WASL: variants seen among roughly 807,000 people sequenced by gnomAD.
WASL encodes the protein WASP like actin nucleation promoting factor, also known as actin nucleation-promoting factor WASL.
A neutral mutation model predicts 55.5 loss-of-function variants in WASL; 20 were observed. That is an observed-to-expected ratio of 0.36 (90% confidence interval 0.25 to 0.52). The LOEUF (loss-of-function observed/expected upper bound fraction) is 0.52, where lower values mean the gene tolerates loss of function less well. WASL is among the 20% of genes least tolerant of loss of function. The probability of loss-of-function intolerance (pLI) is 0.92; values close to 1 mark genes in which losing one functional copy is unlikely to be tolerated. For synonymous variants in WASL, 249 were observed against 217.6 expected (o/e 1.14, Z -1.27); for missense variants, 504 against 622.5 (o/e 0.81, Z 2.03).
At chr7:123,738,186 T>C (rs1476167585) in intron 1 of WASL, among the ~76,000 whole-genome samples, 1 of 152,046 alleles carries the variant, frequency 6.6e-6, no homozygotes, top group Non-Finnish European at 1.5e-5. Context: ...TACACATAAA[T>C]ATAACTTGAT....
chr7:123,721,483 T>C (rs987523494), intron 1 of WASL, among the ~76,000 whole-genome samples: 1 of 152,100 alleles, frequency 6.6e-6, no homozygotes, highest in African/African-American at 2.4e-5. Context: ...AGTACAACAT[T>C]TGAGACTCTC....
intron 1 of WASL, among the ~76,000 whole-genome samples, chr7:123,710,647 C>T (rs1344042480): frequency 6.6e-6 from 1 of 152,146 alleles, no homozygotes; most frequent in Non-Finnish European, 1.5e-5. Flanking sequence ...AGACCAAACT[C>T]AACCTTGAAC....
At chr7:123,714,869 A>C (rs1803813936) in intron 1 of WASL, among the ~76,000 whole-genome samples, 1 of 152,168 alleles carries the variant, frequency 6.6e-6, no homozygotes, top group South Asian at 2.1e-4. Flanking sequence ...AGAATGAAAA[A>C]GGGTGAGTCA....
intron 1 of WASL, among the ~76,000 whole-genome samples, chr7:123,728,887 G>A (rs1056163987): frequency 2.9e-4 from 44 of 152,120 alleles, no homozygotes; most frequent in African/African-American, 9.6e-4. Flanking sequence ...ACAAACGAAC[G>A]AACAAAAAAA....
At position 123,698,881 on chromosome 7, in the gene WASL, G is replaced by A. The variant is rs78902209; in HGVS notation, c.461-2134C>T. 1.7e-3 allele frequency among the ~76,000 whole-genome samples: 266 copies of A among 152,156 alleles called. 1 individual carries two copies. Among genetic ancestry groups the A allele is most frequent in the African/African-American group, 6.2e-3 (257 of 41,508 alleles). ...AATATCCAGAATGTAGGGACTAGAG[G>A]GTTGAATTGGGGTTACACTCAGACC... On this transcript the variant is annotated intron_variant, in intron 5 of 10. Coordinates refer to ENST00000223023, the MANE Select transcript of WASL (RefSeq NM_003941.4).
chr7:123,688,564 G>C (rs1238439244), intron 10 of WASL, among the ~76,000 whole-genome samples: 2 of 152,080 alleles, frequency 1.3e-5, no homozygotes, highest in Admixed American at 1.3e-4. Context: ...GTTTCTCCAT[G>C]TAGGCCAGGC....
At chr7:123,729,662 G>A (rs1049527338) in intron 1 of WASL, among the ~76,000 whole-genome samples, 1 of 152,172 alleles carries the variant, frequency 6.6e-6, no homozygotes, top group Non-Finnish European at 1.5e-5. Flanking sequence ...TCTTCCTACA[G>A]ATACGTATGT....
intron 1 of WASL, among the ~76,000 whole-genome samples, chr7:123,712,811 ACT>A (rs889050038): frequency 1.3e-5 from 2 of 152,202 alleles, no homozygotes; most frequent in Non-Finnish European, 2.9e-5. Flanking sequence ...ATGTGTACCA[ACT>A]TTCTTAAAAG....
chr7:123,682,972 TTTC>T lies in WASL; in HGVS notation c.*1544_*1546del, dbSNP rs1205025311. 2.0e-5 allele frequency: 3 copies of T among 152,144 alleles called. No homozygotes were observed. The highest frequency in any genetic ancestry group is 7.2e-5 in the African/African-American group (3 of 41,442). The allele number at this position is 152,144 out of a possible 1,614,324, so 9.4% of individuals were successfully genotyped here. A position where few individuals can be genotyped will look rare whatever the true frequency, so the allele number is the denominator to read the frequency against. On this transcript the variant is annotated 3_prime_UTR_variant, in exon 11 of 11. Coordinates refer to ENST00000223023, the MANE Select transcript of WASL (RefSeq NM_003941.4). ...TTCAGCAACAAAACCTTTTAAATTA[TTTC>T]TTATGATAACTAGATGCATGATCAC...
intron 2 of WASL, among the ~76,000 whole-genome samples, chr7:123,707,646 T>A (rs1803692429): frequency 6.6e-6 from 1 of 152,232 alleles, no homozygotes. Context: ...TCACACATTA[T>A]AACCACTGCA....
intron 5 of WASL, among the ~76,000 whole-genome samples, chr7:123,702,346 G>A (rs948067580): frequency 1.3e-5 from 2 of 152,118 alleles, no homozygotes; most frequent in Admixed American, 6.5e-5. Flanking sequence ...GAGAGCCACC[G>A]CGCCCGGCCT....
intron 1 of WASL, among the ~76,000 whole-genome samples, chr7:123,736,005 C>T (rs1001535034): frequency 3.0e-4 from 45 of 151,536 alleles, no homozygotes; most frequent in African/African-American, 1.0e-3. Context: ...AGTAATAAAG[C>T]GAAAAATCAG....
intron 2 of WASL, among the ~76,000 whole-genome samples, chr7:123,707,477 C>T (rs1363595590): frequency 6.6e-6 from 1 of 151,946 alleles, no homozygotes; most frequent in African/African-American, 2.4e-5. Flanking sequence ...ATATCTATTG[C>T]CATAGTATAA....
At chr7:123,736,430 A>T (rs1584873792) in intron 1 of WASL, among the ~76,000 whole-genome samples, 1 of 152,244 alleles carries the variant, frequency 6.6e-6, no homozygotes, top group South Asian at 2.1e-4. Context: ...TGTCTCTAAA[A>T]GATAACTGAA....
intron 2 of WASL, among the ~76,000 whole-genome samples, chr7:123,707,152 A>G (rs1393235406): frequency 1.3e-5 from 2 of 152,316 alleles, no homozygotes; most frequent in East Asian, 3.9e-4. Flanking sequence ...TAGGTCATCA[A>G]TGTTACATAG....
At chr7:123,711,251 G>A (rs959189455) in intron 1 of WASL, among the ~76,000 whole-genome samples, 10 of 151,660 alleles carry the variant, frequency 6.6e-5, no homozygotes, top group Non-Finnish European at 1.5e-4. Flanking sequence ...ACATCATGTG[G>A]CTATATATGT....
intron 1 of WASL, among the ~76,000 whole-genome samples, chr7:123,729,616 C>T (rs866431969): frequency 1.5e-4 from 23 of 152,114 alleles, no homozygotes; most frequent in Admixed American, 3.9e-4. Context: ...GATACAACAA[C>T]ATAAAAATCA....
intron 4 of WASL, among the ~76,000 whole-genome samples, chr7:123,705,708 G>GT (rs1803657850): frequency 6.6e-6 from 1 of 152,058 alleles, no homozygotes; most frequent in Non-Finnish European, 1.5e-5. Context: ...TTCTATAATT[G>GT]TTTTATATGT....
chr7:123,692,303 T>C, intron 9 of WASL, 44 bp downstream of exon 9: 1 of 1,564,476 alleles, frequency 6.4e-7, no homozygotes, highest in East Asian at 2.2e-5. Flanking sequence ...TAAAATTCCA[T>C]TATGATAAAG....
Sources: allele counts gnomAD v4.1 joint callset (sites outside exome capture counted in the v4.1 genomes callset), GRCh38; gene constraint gnomAD v4.1.1; transcripts MANE v1.5; gene names NCBI Gene and HGNC (gene_info 2026-07-23, HGNC 2026-07-21).